MTCL2: variants seen among roughly 807,000 people sequenced by gnomAD.
The protein encoded by MTCL2 is microtubule crosslinking factor 2.
At chr20:36,861,087 G>A in the MTCL2 span, among the ~76,000 whole-genome samples, 456 of 152,308 alleles carry the variant, frequency 3.0e-3, 2 homozygotes, top group Non-Finnish European at 5.3e-3. Flanking sequence ...TCACCAGAGT[G>A]AGTAGCAGGA....
chr20:36,839,301 G>A, the MTCL2 span: 35 of 1,612,480 alleles, frequency 2.2e-5, no homozygotes, highest in Middle Eastern at 1.6e-4. The surrounding 1 kb of genome is among the most constrained non-coding windows in gnomAD (Gnocchi z 5.1). Context: ...GCTCGGCTTT[G>A]CGCAGCCGGT....
the MTCL2 span, among the ~76,000 whole-genome samples, chr20:36,840,450 G>A: frequency 1.6e-4 from 24 of 151,836 alleles, no homozygotes; most frequent in African/African-American, 4.3e-4. Flanking sequence ...TTACAGGCAT[G>A]AGCCACCGTG....
the MTCL2 span, chr20:36,794,301 G>A: frequency 6.4e-6 from 10 of 1,557,398 alleles, no homozygotes; most frequent in Admixed American, 5.9e-5. The surrounding 1 kb of genome is among the most constrained non-coding windows in gnomAD (Gnocchi z 5.4). Flanking sequence ...ACTCCGAGGC[G>A]CCGGGCCACC....
the MTCL2 span, chr20:36,803,104 C>T: frequency 1.3e-6 from 2 of 1,599,788 alleles, no homozygotes; most frequent in East Asian, 2.2e-5. Context: ...GTCTTCAGCT[C>T]CATCTGCGGA....
the MTCL2 span, among the ~76,000 whole-genome samples, chr20:36,818,561 A>C: frequency 6.6e-6 from 1 of 152,236 alleles, no homozygotes; most frequent in East Asian, 1.9e-4. Flanking sequence ...GTACTTTGGG[A>C]GGCTGAGGTG....
At chr20:36,863,089 C>T in the MTCL2 span, 2 of 1,401,218 alleles carry the variant, frequency 1.4e-6, no homozygotes, top group Non-Finnish European at 1.9e-6. This position sits in a 1 kb window ranked among gnomAD's most constrained non-coding sequence, Gnocchi z 6.2. Flanking sequence ...GCCACCCGCA[C>T]ACCCGCACCG....
chr20:36,808,782 G>C, the MTCL2 span: 1 of 1,524,952 alleles, frequency 6.6e-7, no homozygotes. Flanking sequence ...CCAGGGCCCT[G>C]TCCTCTCCCC....
chr20:36,833,571 G>A, the MTCL2 span, among the ~76,000 whole-genome samples: 2 of 152,242 alleles, frequency 1.3e-5, no homozygotes, highest in South Asian at 2.1e-4. Context: ...GCTCCTGGCC[G>A]GGCATGGTGG....
At chr20:36,846,555 TGAA>T in the MTCL2 span, among the ~76,000 whole-genome samples, 12 of 152,358 alleles carry the variant, frequency 7.9e-5, no homozygotes, top group South Asian at 4.1e-4. Context: ...GGAGAAAATC[TGAA>T]GAAGGTAGAC....
the MTCL2 span, chr20:36,781,213 T>C: frequency 6.6e-6 from 1 of 152,198 alleles, no homozygotes; most frequent in Non-Finnish European, 1.5e-5. Context: ...AGTGCTCTTT[T>C]TAAGATACAG....
At chr20:36,792,561 CT>C in the MTCL2 span, among the ~76,000 whole-genome samples, 1 of 151,244 alleles carries the variant, frequency 6.6e-6, no homozygotes, top group African/African-American at 2.4e-5. Context: ...TGACAATTGG[CT>C]CCTGCAAGCC....
chr20:36,788,806 C>CTTTTTTTTT, the MTCL2 span, among the ~76,000 whole-genome samples: 2 of 142,572 alleles, frequency 1.4e-5, no homozygotes, highest in South Asian at 2.2e-4. Context: ...CTTTTCTTTT[C>CTTTTTTTTT]TTTTTTTTTT....
the MTCL2 span, among the ~76,000 whole-genome samples, chr20:36,792,604 G>A: frequency 6.6e-6 from 1 of 152,066 alleles, no homozygotes; most frequent in African/African-American, 2.4e-5. Flanking sequence ...CCACTGGGTG[G>A]CAGGAGAGCA....
chr20:36,812,084 T>C, the MTCL2 span, among the ~76,000 whole-genome samples: 1 of 152,246 alleles, frequency 6.6e-6, no homozygotes, highest in African/African-American at 2.4e-5. Flanking sequence ...GGCCAGAAGG[T>C]AGAAATCTGT....
chr20:36,815,295 C>A, the MTCL2 span: 1 of 1,613,914 alleles, frequency 6.2e-7, no homozygotes, highest in South Asian at 1.1e-5. The surrounding 1 kb of genome is among the most constrained non-coding windows in gnomAD (Gnocchi z 5.3). Flanking sequence ...CACGCTCAGG[C>A]GCACCAGGAT....
chr20:36,778,109 G>A, the MTCL2 span: 2 of 360,010 alleles, frequency 5.6e-6, no homozygotes, highest in Non-Finnish European at 1.0e-5. Flanking sequence ...AGAGAGGTGA[G>A]CAGGAGCAGG....
At chr20:36,815,998 T>G in the MTCL2 span, 1 of 1,613,522 alleles carries the variant, frequency 6.2e-7, no homozygotes, top group East Asian at 2.2e-5. This position sits in a 1 kb window ranked among gnomAD's most constrained non-coding sequence, Gnocchi z 5.3. Context: ...CCATGATCCT[T>G]CATGTCGTCC....
At chr20:36,786,542 C>T in the MTCL2 span, 1 of 1,551,022 alleles carries the variant, frequency 6.4e-7, no homozygotes, top group Non-Finnish European at 8.7e-7. Context: ...CTGAAGGGTG[C>T]AGCCTGCACT....
chr20:36,809,869 C>A, the MTCL2 span: 1 of 1,352,914 alleles, frequency 7.4e-7, no homozygotes, highest in East Asian at 2.6e-5. Flanking sequence ...CCACCACACC[C>A]AGCCTCCCCT....
Sources: gnomAD v4.1 joint callset for allele counts (sites outside exome capture counted in the v4.1 genomes callset) on GRCh38, gnomAD v4.1.1 for gene constraint, Gnocchi (gnomAD v3.1) non-coding constraint, MANE v1.5 for transcripts, NCBI Gene and HGNC (gene_info 2026-07-23, HGNC 2026-07-21) for gene names.